The following PGR variants were observed in gnomAD, a reference collection of about 807,000 sequenced individuals.
PGR encodes nuclear receptor subfamily 3 group C member 3.
In PGR, 25 loss-of-function variants were observed where a neutral mutation model predicts 76.1. The ratio of observed to expected loss-of-function variants is 0.33; its 90% CI spans 0.24 to 0.46. The LOEUF is 0.46. PGR is among the 20% of genes least tolerant of loss of function. The probability of loss-of-function intolerance (pLI) is 1.00; values close to 1 mark genes in which losing one functional copy is unlikely to be tolerated. For missense variants in PGR, 1,172 were observed against 1,225.3 expected (o/e 0.96, Z 0.65); for synonymous variants, 579 against 535.0 (o/e 1.08, Z -1.14).
chr11:101,120,878 A>G (rs1194239914), intron 2 of PGR, among the ~76,000 whole-genome samples: 1 of 152,244 alleles, frequency 6.6e-6, no homozygotes, highest in Non-Finnish European at 1.5e-5. Flanking sequence ...ACTAGCACGC[A>G]TGGCTAATAC....
intron 6 of PGR, among the ~76,000 whole-genome samples, chr11:101,046,933 T>A (rs951929730): frequency 6.6e-6 from 1 of 152,178 alleles, no homozygotes; most frequent in Non-Finnish European, 1.5e-5. Context: ...ATAATGCTTA[T>A]CTATTTATTC....
intron 4 of PGR, among the ~76,000 whole-genome samples, chr11:101,060,944 G>A (rs538724499): frequency 6.6e-6 from 1 of 152,226 alleles, no homozygotes; most frequent in East Asian, 1.9e-4. Flanking sequence ...TATCCAAAGT[G>A]AATAAGTCAT....
In PGR at chr11:101,032,318, G is replaced by C. The variant is rs1859377968; in HGVS notation, c.*6798C>G. 8.6e-6 allele frequency: 2 copies of C among 232,676 alleles called. No homozygotes were observed. Among genetic ancestry groups the C allele is most frequent in the Admixed American group, 1.1e-4 (2 of 17,730 alleles). The allele number at this position is 232,676 out of a possible 1,614,324, so 14.4% of individuals were successfully genotyped here. ...CTCAAAAATGTTCTCCCTGCTTCCA[G>C]GATTAGTCATCTCCAACTTTATTCT... On this transcript the variant is annotated 3_prime_UTR_variant, in exon 8 of 8. Transcript: ENST00000325455.
chr11:101,125,652 T>C (rs563779619), intron 2 of PGR, among the ~76,000 whole-genome samples: 10 of 152,280 alleles, frequency 6.6e-5, no homozygotes, highest in African/African-American at 2.4e-4. Context: ...AATTTTAAAG[T>C]ACTGCATACA....
intron 6 of PGR, among the ~76,000 whole-genome samples, chr11:101,046,053 A>AT (rs1252857608): frequency 2.0e-5 from 3 of 151,504 alleles, no homozygotes; most frequent in Non-Finnish European, 2.9e-5. Flanking sequence ...ATGTAAAATC[A>AT]TTTTTTCTTA....
intron 2 of PGR, among the ~76,000 whole-genome samples, chr11:101,108,246 T>A (rs1862237553): frequency 8.7e-6 from 1 of 114,484 alleles, no homozygotes. Flanking sequence ...TGAGACTCCG[T>A]CTAAAAAAAA....
rs926240164 is a variant in PGR at position 101,127,483 on chromosome 11, G to A, written c.1588C>T (p.Leu530Phe). The stretch of plus-strand genomic sequence containing the variant: ...TAGACCTGCGGCAGGCCCTCCTTGA[G>A]CACGGCGGCCTGGTAGCCGAGCTGC... ...LPQLGYQAAVLKEGLPQVYPP... is the reference protein window; with the variant it reads ...LPQLGYQAAVFKEGLPQVYPP... Residue 530 changes from leucine to phenylalanine, a missense_variant, in exon 1 of 8, where the codon CTC becomes TTC. Around this residue, in one of 4 missense-constraint regions of PGR, gnomAD observed 893 missense variants for 785.9 expected, o/e 1.14. Transcript: ENST00000325455. 8 of 1,558,242 alleles carry A rather than the reference G, an allele frequency of 5.1e-6. No individual in the cohort carries two copies. Among genetic ancestry groups the A allele is most frequent in the South Asian group, 4.7e-5 (4 of 84,862 alleles).
chr11:101,052,747 A>T (rs1055399838), intron 4 of PGR, among the ~76,000 whole-genome samples: 5 of 152,186 alleles, frequency 3.3e-5, no homozygotes, highest in African/African-American at 1.2e-4. Context: ...TGGAATTAAG[A>T]GGAGAGAGTG....
At chr11:101,091,967 A>G in intron 2 of PGR, 91 bp from the exon 3 acceptor site, 1 of 737,370 alleles carries the variant, frequency 1.4e-6, no homozygotes. Context: ...GACTAGATAC[A>G]CATCAGCAAG....
intron 2 of PGR, among the ~76,000 whole-genome samples, chr11:101,111,797 G>C (rs1862352955): frequency 6.6e-6 from 1 of 152,180 alleles, no homozygotes; most frequent in Non-Finnish European, 1.5e-5. Flanking sequence ...GCTGGAGATA[G>C]AAATTTGGAA....
intron 3 of PGR, among the ~76,000 whole-genome samples, chr11:101,068,750 C>CA (rs141613454): frequency 2.0e-4 from 30 of 151,052 alleles, no homozygotes; most frequent in African/African-American, 6.6e-4. Flanking sequence ...CAAACCTGAC[C>CA]AAAAAAAACA....
At chr11:101,121,427 T>C (rs1454192606) in intron 2 of PGR, among the ~76,000 whole-genome samples, 1 of 152,230 alleles carries the variant, frequency 6.6e-6, no homozygotes, top group Non-Finnish European at 1.5e-5. Flanking sequence ...TTTCTCTTTC[T>C]GATGCTGTAT....
rs996413120 is a variant in PGR at position 101,030,089 on chromosome 11, T to G, written c.*9027A>C. 9 of 218,930 alleles carry G rather than the reference T, an allele frequency of 4.1e-5. No homozygotes were observed. Among genetic ancestry groups the G allele is most frequent in the Non-Finnish European group, 6.4e-5 (7 of 109,086 alleles). The allele number at this position is 218,930 out of a possible 1,614,324, so 13.6% of individuals were successfully genotyped here. A position where few individuals can be genotyped will look rare whatever the true frequency, so the allele number is the denominator to read the frequency against. ...TTTAGATTCAAGAAGTATATGGGGC[T>G]AAATATCTTTAAAAGTATAACTCTG... is the stretch of plus-strand genomic sequence containing the variant. On this transcript the variant is annotated 3_prime_UTR_variant, in exon 8 of 8. Transcript: ENST00000325455.
At position 101,129,100 on chromosome 11, in the gene PGR, C is replaced by T. The variant is rs1487722623; in HGVS notation, c.-30G>A. ...ACTGGACTCCCCTTTTCTCCTCCCC[C>T]GTCTCCAGGAGGAGGGAAAAGGGAA... On this transcript the variant is annotated 5_prime_UTR_variant, in exon 1 of 8. Transcript: ENST00000325455. 7 of 1,342,526 alleles carry T rather than the reference C, an allele frequency of 5.2e-6. No individual in the cohort carries two copies. Among genetic ancestry groups the T allele is most frequent in the African/African-American group, 3.1e-5 (1 of 31,772 alleles). The allele number at this position is 1,342,526 out of a possible 1,614,324, so 83.2% of individuals were successfully genotyped here.
intron 4 of PGR, among the ~76,000 whole-genome samples, chr11:101,057,214 T>C (rs1397339671): frequency 6.6e-6 from 1 of 152,134 alleles, no homozygotes; most frequent in African/African-American, 2.4e-5. Context: ...CAGAGAAATC[T>C]TCCCAGAGCA....
At chr11:101,072,605 A>T (rs1385117359) in intron 3 of PGR, among the ~76,000 whole-genome samples, 1 of 152,218 alleles carries the variant, frequency 6.6e-6, no homozygotes, top group African/African-American at 2.4e-5. Context: ...GAGACACAAT[A>T]TGCTCAAAAT....
In PGR at chr11:101,036,423, C is replaced by T. The variant is rs562283205; in HGVS notation, c.*2693G>A. 16 of 202,048 alleles carry T rather than the reference C, an allele frequency of 7.9e-5. No homozygotes were observed. The highest frequency in any genetic ancestry group is 4.8e-4 in the Admixed American group (8 of 16,690). The allele number at this position is 202,048 out of a possible 1,614,324, so 12.5% of individuals were successfully genotyped here. ...AAAATATTTTCATTAACTCAAGAAT[C>T]TATTTCAGTAACCTTCAAGTATTTC... On this transcript the variant is annotated 3_prime_UTR_variant, in exon 8 of 8. Transcript: ENST00000325455.
chr11:101,124,480 A>G lies in PGR; in HGVS notation c.1789+1527T>C, dbSNP rs1862779261. ...ACTAACTAGTTTTGTGACCTTTGGA[A>G]ACTCATATTTATGTCTTTGAGATTT... On this transcript the variant is annotated intron_variant, in intron 2 of 7. Coordinates refer to ENST00000325455, the MANE Select transcript of PGR (RefSeq NM_000926.4). 2.0e-5 allele frequency among the ~76,000 whole-genome samples: 3 copies of G among 152,310 alleles called. No individual in the cohort carries two copies. In the South Asian group the frequency reaches 6.2e-4, roughly 32 times the overall value.
chr11:101,071,208 C>T (rs1379748926), intron 3 of PGR, among the ~76,000 whole-genome samples: 1 of 152,136 alleles, frequency 6.6e-6, no homozygotes, highest in East Asian at 1.9e-4. Flanking sequence ...CTCCAGCAAA[C>T]TCCAGCAGAC....
Sources: allele counts gnomAD v4.1 joint callset (sites outside exome capture counted in the v4.1 genomes callset), GRCh38; gene constraint gnomAD v4.1.1; regional missense constraint gnomAD v4.1.1; transcripts MANE v1.5; gene names NCBI Gene and HGNC (gene_info 2026-07-23, HGNC 2026-07-21).